The following RTN3 variants were observed in gnomAD, a reference collection of about 807,000 sequenced individuals.
The protein encoded by RTN3 is reticulon 3, also known as reticulon-3.
A neutral mutation model predicts 77.8 loss-of-function variants in RTN3; 49 were observed. The ratio of observed to expected loss-of-function variants is 0.63; its 90% CI spans 0.50 to 0.80. The LOEUF is 0.80. Ranked by LOEUF, RTN3 falls within the 30% of genes least tolerant of loss-of-function variation. RTN3 has a pLI of 0.00. For synonymous variants in RTN3, 464 were observed against 446.9 expected (o/e 1.04, Z -0.48); for missense variants, 1,236 against 1,211.9 (o/e 1.02, Z -0.29).
At chr11:63,684,997 T>C (rs1454295704) in intron 1 of RTN3, among the ~76,000 whole-genome samples, 1 of 152,012 alleles carries the variant, frequency 6.6e-6, no homozygotes, top group Non-Finnish European at 1.5e-5. Context: ...TGACCTCAAG[T>C]GATCCGCCCA....
intron 2 of RTN3, among the ~76,000 whole-genome samples, chr11:63,708,449 C>A (rs1360188732): frequency 6.6e-6 from 1 of 152,108 alleles, no homozygotes; most frequent in Non-Finnish European, 1.5e-5. Context: ...CAGGCATGAG[C>A]CACCATACCT....
intron 1 of RTN3, among the ~76,000 whole-genome samples, chr11:63,690,157 T>C (rs1301482214): frequency 6.6e-6 from 1 of 152,224 alleles, no homozygotes; most frequent in East Asian, 1.9e-4. Context: ...GTGAGCTTTT[T>C]GACCTGTTCC....
intron 3 of RTN3, among the ~76,000 whole-genome samples, chr11:63,727,068 G>A (rs554679981): frequency 2.6e-5 from 4 of 152,034 alleles, no homozygotes; most frequent in African/African-American, 9.7e-5. Context: ...GCCTGTGCCT[G>A]TAGTCCCTGA....
Position 63,758,368 on chromosome 11 carries a change from CA to C in RTN3, c.*169del. 3.2e-6 allele frequency: 5 copies of C among 1,586,786 alleles called. No homozygotes were observed. Among genetic ancestry groups the C allele is most frequent in the Non-Finnish European group, 4.3e-6 (5 of 1,169,206 alleles). The stretch of plus-strand genomic sequence containing the variant: ...ATCCTTTCCCTTTAACCCTCAGTAT[CA>C]AGCACAAAAATTGATGGACTGATAA... On this transcript the variant is annotated 3_prime_UTR_variant, in exon 9 of 9. Coordinates refer to ENST00000377819, the MANE Select transcript of RTN3 (RefSeq NM_001265589.2).
At chr11:63,693,035 G>C (rs1273635187) in intron 1 of RTN3, among the ~76,000 whole-genome samples, 1 of 151,954 alleles carries the variant, frequency 6.6e-6, no homozygotes, top group East Asian at 1.9e-4. Context: ...TTGGCTTCTC[G>C]ATGTGCTGGG....
At chr11:63,722,366 CTG>C (rs2011882801) in intron 3 of RTN3, among the ~76,000 whole-genome samples, 3 of 152,072 alleles carry the variant, frequency 2.0e-5, no homozygotes, top group South Asian at 2.1e-4. Context: ...TTACTGGAAA[CTG>C]TAGGTAGATT....
rs1156665326 is a variant in RTN3 at position 63,742,790 on chromosome 11, C to T, written c.2531-7201C>T. Reference sequence around the variant, plus strand: ...AATTTAGATCTTTGTTGGTTTCTCTCAGCAATGTTTTATAGATTTCACTGT... The same window carrying T: ...AATTTAGATCTTTGTTGGTTTCTCTTAGCAATGTTTTATAGATTTCACTGT... On this transcript the variant is annotated intron_variant, in intron 3 of 8. Transcript: ENST00000377819. Among the ~76,000 whole-genome samples the T allele has an allele frequency of 3.9e-5, 6 of 152,166 alleles. No homozygotes were observed. In the East Asian group the frequency reaches 1.2e-3, roughly 29 times the overall value.
In RTN3 at chr11:63,720,546, A is replaced by T. The variant is rs754034227; in HGVS notation, c.2044A>T (p.Thr682Ser). The change falls in exon 3 of 9, where the codon ACA becomes TCA. Residue 682 changes from threonine to serine, a missense_variant. Around this residue, in one of 3 missense-constraint regions of RTN3, gnomAD observed 1,056 missense variants for 990.4 expected, o/e 1.07. Transcript: ENST00000377819. ...TTTTAAAGCAATATCAGAGAAGATG[A>T]CAGACTTTAAAACAACTCCTCCTGT... ...NAFKAISEKM[T>S]DFKTTPPVEV... The T allele has an allele frequency of 6.2e-7, 1 of 1,614,154 alleles. No homozygotes were observed. Among genetic ancestry groups the T allele is most frequent in the Admixed American group, 1.7e-5 (1 of 60,014 alleles).
Position 63,681,542 on chromosome 11 carries a change from C to A in RTN3, c.-95C>A. The A allele has an allele frequency of 1.5e-6, 2 of 1,322,706 alleles. No homozygotes were observed. The highest frequency in any genetic ancestry group is 1.5e-5 in the South Asian group (1 of 66,970). The allele number at this position is 1,322,706 out of a possible 1,614,324, so 81.9% of individuals were successfully genotyped here. ...CCTCGGAGCAGGCGGAGTAAAGGGA[C>A]TTGAGCGAGCCAGTTGCCGGATTAT... On this transcript the variant is annotated 5_prime_UTR_variant, in exon 1 of 9. Coordinates refer to ENST00000377819, the MANE Select transcript of RTN3 (RefSeq NM_001265589.2).
At chr11:63,736,332 A>AGGTTCTGCATCCTTG (rs2013118783) in intron 3 of RTN3, among the ~76,000 whole-genome samples, 1 of 152,210 alleles carries the variant, frequency 6.6e-6, no homozygotes, top group South Asian at 2.1e-4. Context: ...CTGCATCCGC[A>AGGTTCTGCATCCTTG]GGTTCTGCAT....
At chr11:63,687,115 C>T (rs1941416686) in intron 1 of RTN3, among the ~76,000 whole-genome samples, 1 of 152,190 alleles carries the variant, frequency 6.6e-6, no homozygotes, top group African/African-American at 2.4e-5. Context: ...CCCCGTCCAA[C>T]ACTGACATCA....
chr11:63,700,224 A>G (rs1013356637), intron 1 of RTN3, among the ~76,000 whole-genome samples: 1 of 151,848 alleles, frequency 6.6e-6, no homozygotes, highest in African/African-American at 2.4e-5. Flanking sequence ...TTGATAGTAA[A>G]TGCATGTAGA....
At chr11:63,729,540 C>A (rs1186605) in intron 3 of RTN3, among the ~76,000 whole-genome samples, 2 of 148,300 alleles carry the variant, frequency 1.3e-5, no homozygotes, top group Non-Finnish European at 3.0e-5. Flanking sequence ...TCACTGCAAC[C>A]TAGACCTCCT....
chr11:63,709,261 T>C (rs761655454), intron 2 of RTN3, among the ~76,000 whole-genome samples: 2 of 152,226 alleles, frequency 1.3e-5, no homozygotes, highest in Non-Finnish European at 2.9e-5. Flanking sequence ...ATTATCACTA[T>C]TAGTGATATA....
At chr11:63,747,764 T>G (rs1304855572) in intron 3 of RTN3, among the ~76,000 whole-genome samples, 2 of 152,246 alleles carry the variant, frequency 1.3e-5, no homozygotes, top group Admixed American at 1.3e-4. Flanking sequence ...TTATTTGAAT[T>G]ACTGCATGTC....
At chr11:63,697,135 C>A (rs1445175705) in intron 1 of RTN3, among the ~76,000 whole-genome samples, 1 of 148,782 alleles carries the variant, frequency 6.7e-6, no homozygotes, top group Non-Finnish European at 1.5e-5. Context: ...CTGTCCGCCT[C>A]GGCCTCCCAA....
At chr11:63,701,444 C>T (rs546994952) in intron 1 of RTN3, among the ~76,000 whole-genome samples, 2 of 152,214 alleles carry the variant, frequency 1.3e-5, no homozygotes, top group South Asian at 4.1e-4. Context: ...AAATCATCTA[C>T]ATAAAGTATA....
chr11:63,746,964 C>T (rs1488071296), intron 3 of RTN3: 3 of 456,054 alleles, frequency 6.6e-6, no homozygotes, highest in South Asian at 4.6e-5. Context: ...TCTAGGATCA[C>T]ACTTTGTGCC....
At chr11:63,740,586 C>T (rs776388015) in intron 3 of RTN3, among the ~76,000 whole-genome samples, 6 of 151,602 alleles carry the variant, frequency 4.0e-5, no homozygotes, top group Admixed American at 1.3e-4. Flanking sequence ...CATGAGCCAC[C>T]GCGCCTGGCC....
Sources: allele counts gnomAD v4.1 joint callset (sites outside exome capture counted in the v4.1 genomes callset), GRCh38; gene constraint gnomAD v4.1.1; regional missense constraint gnomAD v4.1.1; transcripts MANE v1.5; gene names NCBI Gene and HGNC (gene_info 2026-07-23, HGNC 2026-07-21).